CAP2: variants seen among roughly 807,000 people sequenced by gnomAD.
The protein encoded by CAP2 is adenylyl cyclase-associated protein 2.
CAP2 carries 24 observed loss-of-function variants against 57.7 expected under a neutral mutation model. The observed-to-expected ratio is 0.42, with a 90% confidence interval of 0.30 to 0.58. The LOEUF (loss-of-function observed/expected upper bound fraction) is 0.58, where lower values mean the gene tolerates loss of function less well. CAP2 is among the 20% of genes least tolerant of loss of function. The pLI is 0.22. For missense variants in CAP2, 501 were observed against 590.3 expected (o/e 0.85, Z 1.57); for synonymous variants, 194 against 207.2 (o/e 0.94, Z 0.55).
intron 4 of CAP2, among the ~76,000 whole-genome samples, chr6:17,492,916 G>T (rs1049694758): frequency 6.6e-5 from 10 of 152,130 alleles, no homozygotes; most frequent in African/African-American, 2.4e-4. Context: ...CACCTAGTAG[G>T]TGCTCAATAA....
Position 17,556,622 on chromosome 6 carries a change from C to T in CAP2, c.*180C>T, listed in dbSNP as rs754458952. The T allele has an allele frequency of 2.4e-4, 130 of 550,000 alleles. No homozygotes were observed. The highest frequency in any genetic ancestry group is 1.2e-4 in the Admixed American group (4 of 32,402). The allele number at this position is 550,000 out of a possible 1,614,324, so 34.1% of individuals were successfully genotyped here. A position where few individuals can be genotyped will look rare whatever the true frequency, so the allele number is the denominator to read the frequency against. On this transcript the variant is annotated 3_prime_UTR_variant, in exon 13 of 13. Coordinates refer to ENST00000229922, the MANE Select transcript of CAP2 (RefSeq NM_006366.3). ...CTCGTGGGCATTTTGAAATATTTAACGTTTCCTCATGATTTGCCTTTGTGT... is the reference window on the plus strand; with the variant it reads ...CTCGTGGGCATTTTGAAATATTTAATGTTTCCTCATGATTTGCCTTTGTGT...
At chr6:17,483,665 G>A (rs1487388965) in intron 4 of CAP2, among the ~76,000 whole-genome samples, 1 of 152,102 alleles carries the variant, frequency 6.6e-6, no homozygotes, top group African/African-American at 2.4e-5. Flanking sequence ...GGAGCCCCAG[G>A]GCCCCTTGAT....
chr6:17,477,302 T>TA (rs1761175901), intron 4 of CAP2, among the ~76,000 whole-genome samples: 1 of 152,278 alleles, frequency 6.6e-6, no homozygotes, highest in African/African-American at 2.4e-5. Flanking sequence ...CCTGCGCTGT[T>TA]ACAGCATGTC....
chr6:17,482,668 C>T lies in CAP2; in HGVS notation c.300+19595C>T, dbSNP rs563848294. ...CGTGGCTTGTAAATGCATCATACTCCGTCTTTATGTTCACGTGGTTTCTCC... is the reference window on the plus strand; with the variant it reads ...CGTGGCTTGTAAATGCATCATACTCTGTCTTTATGTTCACGTGGTTTCTCC... On this transcript the variant is annotated intron_variant, in intron 4 of 12. Coordinates refer to ENST00000229922, the MANE Select transcript of CAP2 (RefSeq NM_006366.3). 7.9e-5 allele frequency among the ~76,000 whole-genome samples: 12 copies of T among 152,228 alleles called. No individual in the cohort carries two copies. The South Asian group carries it at 2.1e-3, about 26-fold the overall frequency.
intron 3 of CAP2, among the ~76,000 whole-genome samples, chr6:17,430,962 A>G (rs1164708961): frequency 1.3e-5 from 2 of 152,230 alleles, no homozygotes; most frequent in South Asian, 2.1e-4. Context: ...TCCTAACCCA[A>G]GTCTTTTTTA....
intron 7 of CAP2, among the ~76,000 whole-genome samples, chr6:17,527,782 A>T (rs1762545064): frequency 6.6e-6 from 1 of 151,916 alleles, no homozygotes; most frequent in Non-Finnish European, 1.5e-5. Flanking sequence ...TTTTGTAGAG[A>T]TGAGGTTTCA....
chr6:17,552,938 A>G (rs1396716268), intron 12 of CAP2, among the ~76,000 whole-genome samples: 3 of 152,184 alleles, frequency 2.0e-5, no homozygotes, highest in Admixed American at 1.3e-4. Context: ...GTTTAAAAAA[A>G]CAAAACTCTG....
chr6:17,553,188 A>C (rs6933828), intron 12 of CAP2, among the ~76,000 whole-genome samples: 4,118 of 152,268 alleles, frequency 0.027, 188 homozygotes, highest in African/African-American at 0.092. Context: ...TTGGATGAAC[A>C]CTGCAGACTA....
chr6:17,547,968 G>C (rs1247304158), intron 11 of CAP2, among the ~76,000 whole-genome samples: 2 of 151,682 alleles, frequency 1.3e-5, no homozygotes, highest in Admixed American at 1.3e-4. Flanking sequence ...AAACCCAAGA[G>C]ATTCAAGAAA....
intron 3 of CAP2, among the ~76,000 whole-genome samples, chr6:17,460,103 A>G (rs1031854968): frequency 3.3e-5 from 5 of 152,212 alleles, no homozygotes; most frequent in Admixed American, 3.3e-4. Flanking sequence ...GAATAAGTCA[A>G]TTTCCTACAA....
chr6:17,436,217 A>G (rs1759884893), intron 3 of CAP2, among the ~76,000 whole-genome samples: 1 of 151,624 alleles, frequency 6.6e-6, no homozygotes, highest in African/African-American at 2.4e-5. Context: ...TCTGCCTCCT[A>G]GGTTCAAGTG....
intron 2 of CAP2, 141 bp downstream of exon 2, chr6:17,421,817 G>A: frequency 1.1e-6 from 1 of 929,036 alleles, no homozygotes; most frequent in Admixed American, 2.2e-5. Flanking sequence ...ACATTAACCA[G>A]AGGCAAGCAA....
intron 4 of CAP2, among the ~76,000 whole-genome samples, chr6:17,464,795 G>A (rs998619181): frequency 2.0e-5 from 3 of 152,210 alleles, no homozygotes; most frequent in African/African-American, 7.2e-5. Flanking sequence ...TCTCTGCTTT[G>A]CAGAAGAGCA....
chr6:17,524,339 C>T (rs892992663), intron 7 of CAP2, among the ~76,000 whole-genome samples: 5 of 152,116 alleles, frequency 3.3e-5, no homozygotes, highest in African/African-American at 1.2e-4. Context: ...CTATTTAGAA[C>T]TGTTTTTATT....
At chr6:17,491,475 G>C (rs992240960) in intron 4 of CAP2, among the ~76,000 whole-genome samples, 3 of 152,086 alleles carry the variant, frequency 2.0e-5, no homozygotes, top group African/African-American at 7.2e-5. Flanking sequence ...TACAATAATA[G>C]CAGCTGTCAT....
chr6:17,452,469 G>T (rs3777689), intron 3 of CAP2, among the ~76,000 whole-genome samples: 90,608 of 151,988 alleles, frequency 0.6, 27,863 homozygotes, highest in East Asian at 0.87. Context: ...TAGGAAAAAG[G>T]CCATGGGAAC....
In CAP2 at chr6:17,548,061, A is replaced by G. The variant is rs79225985; in HGVS notation, c.1210-3403A>G. Among the ~76,000 whole-genome samples, 1,220 of 152,024 alleles carry G rather than the reference A, an allele frequency of 8.0e-3. 8 individuals carry two copies. Among genetic ancestry groups the G allele is most frequent in the African/African-American group, 0.028 (1,161 of 41,464 alleles). ...ATCAATAGCATTTCTTTCTACCACA[A>G]ATAAGTTTTAGAAAATGCAATAGAG... On this transcript the variant is annotated intron_variant, in intron 11 of 12. Transcript: ENST00000229922.
intron 11 of CAP2, among the ~76,000 whole-genome samples, chr6:17,547,126 G>C (rs1056044998): frequency 1.6e-4 from 25 of 152,112 alleles, no homozygotes; most frequent in Non-Finnish European, 2.9e-4. Context: ...ACTTACAAAG[G>C]ATGTGAAGGA....
intron 11 of CAP2, among the ~76,000 whole-genome samples, chr6:17,546,893 C>A (rs761259476): frequency 8.8e-4 from 134 of 152,250 alleles, no homozygotes; most frequent in Non-Finnish European, 1.4e-3. Context: ...GTCAAATTGT[C>A]CCTGTTTGCA....
Sources: allele counts gnomAD v4.1 joint callset (sites outside exome capture counted in the v4.1 genomes callset), GRCh38; gene constraint gnomAD v4.1.1; transcripts MANE v1.5; gene names NCBI Gene and HGNC (gene_info 2026-07-23, HGNC 2026-07-21).